TRAPPC13: variants seen among roughly 807,000 people sequenced by gnomAD.
TRAPPC13 encodes the protein REV7-interacting novel NHEJ regulator 1.
Under a neutral mutation model 54.0 loss-of-function variants are expected in TRAPPC13, and 39 were observed. The ratio of observed to expected loss-of-function variants is 0.72; its 90% CI spans 0.56 to 0.94. The LOEUF (loss-of-function observed/expected upper bound fraction) is 0.94, where lower values mean the gene tolerates loss of function less well. Ranked by LOEUF, TRAPPC13 falls within the 40% of genes least tolerant of loss-of-function variation. The pLI is 0.00. For missense variants in TRAPPC13, 386 were observed against 488.1 expected, an observed-to-expected ratio of 0.79 and a Z score of 1.97; for synonymous variants, 148 against 167.7, an observed-to-expected ratio of 0.88 and a Z score of 0.91.
intron 1 of TRAPPC13, chr5:65,630,145 A>G (rs1466687463): frequency 6.5e-7 from 1 of 1,535,982 alleles, no homozygotes; most frequent in Non-Finnish European, 8.7e-7. Context: ...ACATTTGGAC[A>G]AAACTCAATC....
intron 4 of TRAPPC13, among the ~76,000 whole-genome samples, chr5:65,639,145 C>T (rs1444225385): frequency 6.6e-6 from 1 of 152,002 alleles, no homozygotes; most frequent in Non-Finnish European, 1.5e-5. Flanking sequence ...GTCATGAGAA[C>T]AGCACAGGAA....
chr5:65,652,009 A>C (rs1222814848), intron 6 of TRAPPC13, among the ~76,000 whole-genome samples: 2 of 151,270 alleles, frequency 1.3e-5, no homozygotes, highest in Non-Finnish European at 3.0e-5. Context: ...GATTACAGGC[A>C]CCCGCCACCA....
chr5:65,625,804 C>T (rs1001337131), intron 1 of TRAPPC13: 11 of 152,086 alleles, frequency 7.2e-5, no homozygotes, highest in African/African-American at 2.7e-4. Flanking sequence ...TTTTTTACTA[C>T]AACAAATGCG....
At chr5:65,637,813 G>C in intron 4 of TRAPPC13, 33 bp downstream of exon 4, 1 of 1,372,368 alleles carries the variant, frequency 7.3e-7, no homozygotes. Flanking sequence ...ATGTATTTTA[G>C]TCTTTAACAA....
At chr5:65,643,817 A>C (rs888539608) in intron 4 of TRAPPC13, among the ~76,000 whole-genome samples, 5 of 116,208 alleles carry the variant, frequency 4.3e-5, no homozygotes, top group Non-Finnish European at 9.4e-5. Context: ...ACTCCGTCTC[A>C]GAAAAAAAAA....
rs1757004248 is a variant in TRAPPC13, at chr5:65,665,378, T to C, written c.*767T>C. 1 of 152,172 alleles carries C rather than the reference T, an allele frequency of 6.6e-6. No homozygotes were observed. Among genetic ancestry groups the C allele is most frequent in the East Asian group, 1.9e-4 (1 of 5,196 alleles). The allele number at this position is 152,172 out of a possible 1,614,324, so 9.4% of individuals were successfully genotyped here. A position where few individuals can be genotyped will look rare whatever the true frequency, so the allele number is the denominator to read the frequency against. ...GCTTAAAACAAAGGGGGTAGTCCTC[T>C]TATAACCTGATATTTGTCAACACAG... On this transcript the variant is annotated 3_prime_UTR_variant, in exon 13 of 13. Transcript: ENST00000399438.
intron 1 of TRAPPC13, 22 bp downstream of exon 1, chr5:65,625,128 TC>T (rs773420010): frequency 1.2e-6 from 2 of 1,605,394 alleles, no homozygotes; most frequent in South Asian, 2.2e-5. Context: ...CGAACCTGAT[TC>T]CCCCTTTTCT....
intron 9 of TRAPPC13, among the ~76,000 whole-genome samples, chr5:65,659,882 G>C (rs1356683637): frequency 1.4e-5 from 2 of 147,430 alleles, no homozygotes; most frequent in African/African-American, 5.0e-5. Flanking sequence ...AAAATCGCTT[G>C]AGTCCACAAG....
chr5:65,660,506 GA>G, intron 9 of TRAPPC13, among the ~76,000 whole-genome samples, 192 bp from the exon 10 acceptor site: 1 of 151,388 alleles, frequency 6.6e-6, no homozygotes, highest in Non-Finnish European at 1.5e-5. Context: ...GATATCAACT[GA>G]AAAAAATGAA....
intron 11 of TRAPPC13, 38 bp from the exon 12 acceptor site, chr5:65,664,199 A>G: frequency 6.3e-7 from 1 of 1,590,160 alleles, no homozygotes; most frequent in East Asian, 2.3e-5. Flanking sequence ...TTGTGAAATG[A>G]ACAAGATTTA....
chr5:65,627,049 T>A (rs1054263682), intron 1 of TRAPPC13, among the ~76,000 whole-genome samples: 1 of 141,098 alleles, frequency 7.1e-6, no homozygotes, highest in Admixed American at 7.5e-5. Flanking sequence ...GGAGAACCGC[T>A]TGAACCTGGG....
chr5:65,661,879 G>A, intron 10 of TRAPPC13, 171 bp from the exon 11 acceptor site: 1 of 497,690 alleles, frequency 2.0e-6, no homozygotes, highest in Non-Finnish European at 3.5e-6. Flanking sequence ...ACAGGCAGTA[G>A]CTGCAAAAGA....
At chr5:65,634,260 C>T (rs541348631) in intron 1 of TRAPPC13, among the ~76,000 whole-genome samples, 2 of 152,258 alleles carry the variant, frequency 1.3e-5, no homozygotes, top group South Asian at 4.1e-4. Context: ...GCTGGGATTA[C>T]AGGCGTGAGC....
At chr5:65,664,204 G>A (rs1205959579) in intron 11 of TRAPPC13, 33 bp from the exon 12 acceptor site, 2 of 1,602,134 alleles carry the variant, frequency 1.2e-6, no homozygotes, top group South Asian at 2.2e-5. Flanking sequence ...AAATGAACAA[G>A]ATTTATTCCT....
chr5:65,658,523 C>T, intron 9 of TRAPPC13, 22 bp downstream of exon 9: 1 of 1,500,582 alleles, frequency 6.7e-7, no homozygotes, highest in Non-Finnish European at 8.9e-7. Flanking sequence ...TTTATGAAGT[C>T]TTTATCCTTG....
chr5:65,658,906 G>A (rs2150691011), intron 9 of TRAPPC13, among the ~76,000 whole-genome samples: 1 of 152,022 alleles, frequency 6.6e-6, no homozygotes, highest in Non-Finnish European at 1.5e-5. Flanking sequence ...TTTTAGTAGA[G>A]ATGGGGTTTC....
chr5:65,629,476 T>G, intron 1 of TRAPPC13: 1 of 1,428,842 alleles, frequency 7.0e-7, no homozygotes, highest in Admixed American at 2.8e-5. Flanking sequence ...AGGTCCTGTT[T>G]CCCTCTGATT....
At chr5:65,628,225 A>T in intron 1 of TRAPPC13, among the ~76,000 whole-genome samples, 1 of 152,156 alleles carries the variant, frequency 6.6e-6, no homozygotes, top group Non-Finnish European at 1.5e-5. Flanking sequence ...AAAAAATAGG[A>T]GTCTAGACTT....
chr5:65,638,137 GA>G lies in TRAPPC13; in HGVS notation c.300+364del, dbSNP rs978806602. On this transcript the variant is annotated intron_variant, in intron 4 of 12. Transcript: ENST00000399438. ...GACTCCATCTCAAAAAAAAAAAAAA[GA>G]AAAAAAGGTTTTTTTATATCTATTA... Among the ~76,000 whole-genome samples, 32 of 134,952 alleles carry G rather than the reference GA, an allele frequency of 2.4e-4. 1 individual carries two copies. The highest frequency in any genetic ancestry group is 8.5e-4 in the African/African-American group (32 of 37,632). 88.5% of individuals were successfully genotyped at this position (134,952 alleles called of 152,430 possible).
Sources: gnomAD v4.1 joint callset for allele counts (sites outside exome capture counted in the v4.1 genomes callset) on GRCh38, gnomAD v4.1.1 for gene constraint, MANE v1.5 for transcripts, NCBI Gene and HGNC (gene_info 2026-07-23, HGNC 2026-07-21) for gene names.